ADGRL3: variants seen among roughly 807,000 people sequenced by gnomAD.
The protein encoded by ADGRL3 is calcium-independent alpha-latrotoxin receptor 3.
In ADGRL3, 62 loss-of-function variants were observed where a neutral mutation model predicts 153.5. That is an observed-to-expected ratio of 0.40 (90% CI 0.33 to 0.50). ADGRL3 has a LOEUF of 0.50. ADGRL3 is among the 20% of genes least tolerant of loss of function. The probability of loss-of-function intolerance (pLI) is 0.47; values close to 1 mark genes in which losing one functional copy is unlikely to be tolerated. For synonymous variants in ADGRL3, 710 were observed against 672.5 expected (o/e 1.06, Z -0.86); for missense variants, 1,641 against 1,859.4 (o/e 0.88, Z 2.16).
chr4:61,275,796 T>G (rs2093431733), intron 1 of ADGRL3, among the ~76,000 whole-genome samples: 1 of 152,224 alleles, frequency 6.6e-6, no homozygotes, highest in Admixed American at 6.5e-5. Flanking sequence ...ATATCTAAAA[T>G]AAAAGTGATG....
chr4:61,574,734 T>TG (rs1429633728), intron 4 of ADGRL3, among the ~76,000 whole-genome samples: 1 of 151,872 alleles, frequency 6.6e-6, no homozygotes, highest in African/African-American at 2.4e-5. Context: ...TTCTTGAAGC[T>TG]GGGGCACATT....
intron 13 of ADGRL3, among the ~76,000 whole-genome samples, chr4:61,916,393 G>C (rs748586705): frequency 6.6e-6 from 1 of 152,066 alleles, no homozygotes; most frequent in East Asian, 1.9e-4. Context: ...CCAGCTACTT[G>C]AGAAGCCAAG....
At chr4:61,750,847 C>T (rs1354398298) in intron 8 of ADGRL3, among the ~76,000 whole-genome samples, 7 of 150,118 alleles carry the variant, frequency 4.7e-5, no homozygotes, top group African/African-American at 1.7e-4. Flanking sequence ...CAAATAAATG[C>T]AAGGCAACAA....
At chr4:61,421,421 C>T (rs1293912300) in intron 2 of ADGRL3, among the ~76,000 whole-genome samples, 1 of 151,782 alleles carries the variant, frequency 6.6e-6, no homozygotes, top group African/African-American at 2.4e-5. Context: ...AAATGAGATG[C>T]ATGTGAAAAG....
intron 6 of ADGRL3, among the ~76,000 whole-genome samples, chr4:61,711,280 G>A (rs191651377): frequency 6.6e-6 from 1 of 151,584 alleles, no homozygotes; most frequent in East Asian, 1.9e-4. Flanking sequence ...ACAGGAGAAT[G>A]TATCTCACTG....
At chr4:61,466,929 GA>G (rs574051356) in intron 2 of ADGRL3, among the ~76,000 whole-genome samples, 99 of 151,820 alleles carry the variant, frequency 6.5e-4, no homozygotes, top group African/African-American at 2.1e-3. Context: ...AAGATTTAAT[GA>G]AAAAAATATG....
At chr4:61,272,108 C>T (rs2093217465) in intron 1 of ADGRL3, among the ~76,000 whole-genome samples, 1 of 147,310 alleles carries the variant, frequency 6.8e-6, no homozygotes, top group Non-Finnish European at 1.5e-5. Flanking sequence ...CTTAGAATCC[C>T]TGATTTCTCT....
At chr4:61,838,171 A>G (rs1459405205) in intron 9 of ADGRL3, among the ~76,000 whole-genome samples, 2 of 152,306 alleles carry the variant, frequency 1.3e-5, no homozygotes, top group South Asian at 2.1e-4. Flanking sequence ...AGTAGTAATT[A>G]TACTTGCTGG....
intron 3 of ADGRL3, among the ~76,000 whole-genome samples, chr4:61,502,263 T>C (rs566957890): frequency 1.3e-5 from 2 of 152,232 alleles, no homozygotes; most frequent in Admixed American, 6.5e-5. Flanking sequence ...AAGCCCCAGA[T>C]GATTGGGAGT....
chr4:62,042,303 T>C (rs1299816910), intron 24 of ADGRL3, among the ~76,000 whole-genome samples: 1 of 151,894 alleles, frequency 6.6e-6, no homozygotes, highest in African/African-American at 2.4e-5. Context: ...CATGGTATTA[T>C]AGGAGATGTT....
intron 9 of ADGRL3, among the ~76,000 whole-genome samples, chr4:61,840,856 G>A (rs1372023005): frequency 1.3e-5 from 2 of 152,162 alleles, no homozygotes; most frequent in African/African-American, 4.8e-5. Flanking sequence ...TTCTTTGGCA[G>A]AAGGAGAGGA....
Position 61,721,967 on chromosome 4 carries a change from TA to T in ADGRL3, c.584-8650del, listed in dbSNP as rs1052423123. Among the ~76,000 whole-genome samples the T allele has an allele frequency of 1.3e-4, 20 of 152,162 alleles. 1 individual carries two copies. The highest frequency in any genetic ancestry group is 4.6e-4 in the African/African-American group (19 of 41,440). ...ATTCATTGAATTTTCTGAAATTATATAAAAATATATAAGAAACACATATTGG... is the reference window on the plus strand; with the variant it reads ...ATTCATTGAATTTTCTGAAATTATATAAAATATATAAGAAACACATATTGG... On this transcript the variant is annotated intron_variant, in intron 6 of 26. Coordinates refer to ENST00000683033, the MANE Select transcript of ADGRL3 (RefSeq NM_001387552.1).
intron 9 of ADGRL3, among the ~76,000 whole-genome samples, chr4:61,874,141 G>GA (rs1261446973): frequency 6.6e-6 from 1 of 152,128 alleles, no homozygotes; most frequent in Non-Finnish European, 1.5e-5. Context: ...CAGGAGACCA[G>GA]GTACAGCACA....
intron 8 of ADGRL3, among the ~76,000 whole-genome samples, chr4:61,734,645 T>G (rs4374647): frequency 0.99 from 151,146 of 152,248 alleles, 75,032 homozygotes; most frequent in Middle Eastern, 1. Flanking sequence ...GGGGATATGG[T>G]GATTACAATT....
chr4:61,561,718 T>C (rs943016773), intron 4 of ADGRL3, among the ~76,000 whole-genome samples: 1 of 152,136 alleles, frequency 6.6e-6, no homozygotes, highest in African/African-American at 2.4e-5. Flanking sequence ...AATTTGTAAT[T>C]TATAACCTAT....
At chr4:61,321,736 A>C (rs2095360334) in intron 1 of ADGRL3, among the ~76,000 whole-genome samples, 4 of 152,106 alleles carry the variant, frequency 2.6e-5, no homozygotes. Flanking sequence ...AGGTACAGTA[A>C]AAATATGATA....
intron 6 of ADGRL3, among the ~76,000 whole-genome samples, chr4:61,698,344 T>G (rs7692804): frequency 6.6e-6 from 1 of 151,588 alleles, no homozygotes; most frequent in African/African-American, 2.4e-5. Context: ...CCCAGCTACT[T>G]GGGAGGCTGA....
rs557922343 is a variant in ADGRL3, at chr4:62,066,925, G to C, written c.3815-1241G>C. Among the ~76,000 whole-genome samples, 431 of 152,016 alleles carry C rather than the reference G, an allele frequency of 2.8e-3. 1 individual carries two copies. The highest frequency in any genetic ancestry group is 6.8e-3 in the Middle Eastern group (2 of 294). Reference sequence around the variant, plus strand: ...GTTAGATAAAGGCTCAGCCCCTCTGGGCTGCAGTCTCCTCTTCTCTGAAAA... The same window carrying C: ...GTTAGATAAAGGCTCAGCCCCTCTGCGCTGCAGTCTCCTCTTCTCTGAAAA... On this transcript the variant is annotated intron_variant, in intron 25 of 26. Transcript: ENST00000683033.
intron 1 of ADGRL3, among the ~76,000 whole-genome samples, chr4:61,346,090 C>G (rs917049666): frequency 6.6e-6 from 1 of 152,022 alleles, no homozygotes; most frequent in Non-Finnish European, 1.5e-5. Flanking sequence ...CAAATTAGTG[C>G]GGTTCAAAAG....
Sources: allele counts gnomAD v4.1 joint callset (sites outside exome capture counted in the v4.1 genomes callset), GRCh38; gene constraint gnomAD v4.1.1; transcripts MANE v1.5; gene names NCBI Gene and HGNC (gene_info 2026-07-23, HGNC 2026-07-21).